The following BCL2 variants were observed in gnomAD, a reference collection of about 807,000 sequenced individuals.
BCL2 encodes the protein BCL2 apoptosis regulator, also known as apoptosis regulator Bcl-2.
In BCL2, 1 loss-of-function variant was observed where a neutral mutation model predicts 14.2. That is an observed-to-expected ratio of 0.07 (90% CI 0.02 to 0.33). The LOEUF (loss-of-function observed/expected upper bound fraction) is 0.33, where lower values mean the gene tolerates loss of function less well. Ranked by LOEUF, BCL2 falls within the 10% of genes least tolerant of loss-of-function variation. BCL2 has a pLI of 0.99. For synonymous variants in BCL2, 151 were observed against 137.2 expected, an observed-to-expected ratio of 1.10 and a Z score of -0.70; for missense variants, 247 against 305.9, an observed-to-expected ratio of 0.81 and a Z score of 1.44.
intron 2 of BCL2, among the ~76,000 whole-genome samples, chr18:63,212,805 G>A (rs11661184): frequency 0.28 from 42,103 of 151,594 alleles, 6,292 homozygotes; most frequent in Admixed American, 0.31. Context: ...GAACCCAGAA[G>A]GCGGAGGTTG....
intron 2 of BCL2, among the ~76,000 whole-genome samples, chr18:63,220,152 T>G (rs1910347083): frequency 6.6e-6 from 1 of 152,234 alleles, no homozygotes; most frequent in Admixed American, 6.5e-5. Context: ...CCTGTAAAGT[T>G]GGGCTCGTGG....
chr18:63,309,274 G>T (rs926736435), intron 2 of BCL2, among the ~76,000 whole-genome samples: 1 of 152,156 alleles, frequency 6.6e-6, no homozygotes. Context: ...GATTCGAGGG[G>T]AAAGACATAT....
rs1188512808 is a variant in BCL2 at position 63,128,700 on chromosome 18, C to A, written c.645G>T (p.Leu215=). Residue 215 remains leucine (L), a synonymous_variant, in exon 3 of 3, where the codon CTG becomes CTT. Coordinates refer to ENST00000333681, the MANE Select transcript of BCL2 (RefSeq NM_000633.3). ...CCAAACTGAGCAGAGTCTTCAGAGA[C>A]AGCCAGGAGAAATCAAACAGAGGCC... is the stretch of plus-strand genomic sequence containing the variant. ...SMRPLFDFSW[L]SLKTLLSLAL... is the part of the protein sequence containing the mutation. 2 of 781,022 alleles carry A rather than the reference C, an allele frequency of 2.6e-6. No homozygotes were observed. The highest frequency in any genetic ancestry group is 2.4e-6 in the Non-Finnish European group (1 of 418,116). The allele number at this position is 781,022 out of a possible 1,614,324, so 48.4% of individuals were successfully genotyped here.
At position 63,299,412 on chromosome 18, in the gene BCL2, C is replaced by T. The variant is rs1299535257; in HGVS notation, c.585+18670G>A. Among the ~76,000 whole-genome samples the T allele has an allele frequency of 2.6e-5, 4 of 152,234 alleles. No individual in the cohort carries two copies. In the East Asian group the frequency reaches 7.7e-4, roughly 29 times the overall value. On this transcript the variant is annotated intron_variant, in intron 2 of 2. Coordinates refer to ENST00000333681, the MANE Select transcript of BCL2 (RefSeq NM_000633.3). The stretch of plus-strand genomic sequence containing the variant: ...AGTTCCTACTGCCCATGCCTTGGGG[C>T]AGCTGCCCAGCACCTTCACTTGGGC...
chr18:63,224,942 T>C (rs904371072), intron 2 of BCL2, among the ~76,000 whole-genome samples: 5 of 151,866 alleles, frequency 3.3e-5, no homozygotes, highest in Admixed American at 2.6e-4. Context: ...AGGGAAGTTC[T>C]AGAATAACAG....
chr18:63,169,977 G>A (rs1427084940), intron 2 of BCL2, among the ~76,000 whole-genome samples: 2 of 152,070 alleles, frequency 1.3e-5, no homozygotes, highest in African/African-American at 4.8e-5. Context: ...GCAAACTCAT[G>A]TCATCAATAG....
chr18:63,141,478 C>A (rs773184248), intron 2 of BCL2, among the ~76,000 whole-genome samples: 33 of 152,198 alleles, frequency 2.2e-4, no homozygotes, highest in Non-Finnish European at 3.8e-4. Context: ...CTTTTATGAG[C>A]ATAATCCAAG....
intron 2 of BCL2, among the ~76,000 whole-genome samples, chr18:63,184,600 A>G (rs1004530784): frequency 2.6e-5 from 4 of 152,214 alleles, no homozygotes; most frequent in Non-Finnish European, 5.9e-5. Context: ...ATTTGCCTGA[A>G]GATAAGTGCA....
intron 2 of BCL2, among the ~76,000 whole-genome samples, chr18:63,140,544 A>C (rs1210455722): frequency 6.6e-6 from 1 of 152,244 alleles, no homozygotes; most frequent in African/African-American, 2.4e-5. Context: ...GGATCCAGGC[A>C]CAAAGGCCAC....
intron 2 of BCL2, among the ~76,000 whole-genome samples, chr18:63,260,282 A>T (rs1911616663): frequency 6.6e-6 from 1 of 152,206 alleles, no homozygotes; most frequent in Admixed American, 6.5e-5. Flanking sequence ...GCACACACAC[A>T]GCAATGTATC....
chr18:63,198,316 A>T (rs1459908329), intron 2 of BCL2, among the ~76,000 whole-genome samples: 3 of 147,194 alleles, frequency 2.0e-5, no homozygotes, highest in Non-Finnish European at 4.5e-5. Context: ...ACACACACTG[A>T]CACAGACACA....
intron 2 of BCL2, chr18:63,208,226 G>A (rs1772765255): frequency 6.6e-6 from 1 of 152,156 alleles, no homozygotes; most frequent in South Asian, 2.1e-4. Context: ...ACCTTAAACA[G>A]ATTTAAGAAA....
At chr18:63,298,304 G>A (rs1460844629) in intron 2 of BCL2, among the ~76,000 whole-genome samples, 1 of 152,210 alleles carries the variant, frequency 6.6e-6, no homozygotes, top group Non-Finnish European at 1.5e-5. Context: ...ACACACACCT[G>A]AATGCCAAGG....
chr18:63,161,242 T>G (rs571628528), intron 2 of BCL2, among the ~76,000 whole-genome samples: 1 of 152,330 alleles, frequency 6.6e-6, no homozygotes, highest in Non-Finnish European at 1.5e-5. Context: ...TTGCATTTGG[T>G]GAAATCCCCC....
chr18:63,275,269 G>A (rs1441698200), intron 2 of BCL2, among the ~76,000 whole-genome samples: 2 of 151,698 alleles, frequency 1.3e-5, no homozygotes, highest in Admixed American at 1.3e-4. Context: ...TTTCGATCAA[G>A]GTTTATGTAA....
chr18:63,171,162 G>A (rs1190616265), intron 2 of BCL2, among the ~76,000 whole-genome samples: 2 of 152,118 alleles, frequency 1.3e-5, no homozygotes, highest in African/African-American at 4.8e-5. Flanking sequence ...TGTGTGATAC[G>A]TGTCCATCAT....
intron 2 of BCL2, among the ~76,000 whole-genome samples, chr18:63,253,511 G>A (rs1005529197): frequency 6.6e-6 from 1 of 152,180 alleles, no homozygotes; most frequent in Non-Finnish European, 1.5e-5. Context: ...GAGACTTTAT[G>A]AAAGAGGTTT....
chr18:63,284,603 C>T (rs1226596961), intron 2 of BCL2, among the ~76,000 whole-genome samples: 5 of 152,132 alleles, frequency 3.3e-5, no homozygotes, highest in South Asian at 2.1e-4. Flanking sequence ...TCCCAGCACT[C>T]GACAGGGTAC....
At position 63,255,827 on chromosome 18, in the gene BCL2, TC is replaced by T. The variant is rs556113535; in HGVS notation, c.585+62254del. 8.5e-3 allele frequency among the ~76,000 whole-genome samples: 1,141 copies of T among 133,814 alleles called. 12 individuals are homozygous for T. The highest frequency in any genetic ancestry group is 0.03 in the African/African-American group (1,080 of 35,936). 87.8% of individuals were successfully genotyped at this position (133,814 alleles called of 152,430 possible). A position where few individuals can be genotyped will look rare whatever the true frequency, so the allele number is the denominator to read the frequency against. ...AATCACCTGTGGTTGGCTGCAGCCCTCCCCCCCCGCCACACACACAAACATT... is the reference window on the plus strand; with the variant it reads ...AATCACCTGTGGTTGGCTGCAGCCCTCCCCCCCGCCACACACACAAACATT... On this transcript the variant is annotated intron_variant, in intron 2 of 2. Coordinates refer to ENST00000333681, the MANE Select transcript of BCL2 (RefSeq NM_000633.3).
Sources: allele counts gnomAD v4.1 joint callset (sites outside exome capture counted in the v4.1 genomes callset), GRCh38; gene constraint gnomAD v4.1.1; transcripts MANE v1.5; gene names NCBI Gene and HGNC (gene_info 2026-07-23, HGNC 2026-07-21).